LRRC58: variants seen among roughly 807,000 people sequenced by gnomAD.
LRRC58 encodes the protein leucine rich repeat containing 58.
In LRRC58, 18 loss-of-function variants were observed where a neutral mutation model predicts 30.6. That is an observed-to-expected ratio of 0.59 (90% CI 0.41 to 0.87). LRRC58 has a LOEUF of 0.87. LRRC58 is among the 40% of genes least tolerant of loss of function. The pLI, the probability that LRRC58 is intolerant of heterozygous loss-of-function variation, is 0.00. For missense variants in LRRC58, 420 were observed against 468.4 expected, an observed-to-expected ratio of 0.90 and a Z score of 0.95; for synonymous variants, 221 against 206.0, an observed-to-expected ratio of 1.07 and a Z score of -0.62.
intron 3 of LRRC58, among the ~76,000 whole-genome samples, chr3:120,332,957 C>T (rs971348716): frequency 3.2e-4 from 49 of 152,172 alleles, no homozygotes; most frequent in East Asian, 1.5e-3. Context: ...GCTATGTTGC[C>T]TAGGCTGGTC....
intron 1 of LRRC58, among the ~76,000 whole-genome samples, chr3:120,344,203 AAGAT>A (rs1277828861): frequency 4.6e-5 from 7 of 152,208 alleles, no homozygotes; most frequent in Non-Finnish European, 7.3e-5. Context: ...AAGAAACAGA[AAGAT>A]AAGAACATCT....
rs1052181188 is a variant in LRRC58 at position 120,327,479 on chromosome 3, C to T, written c.*3721G>A. ...CCGTGTTAGCCAGGATGGTCTCGAT[C>T]TCCTGACCTCGTGATCCACCCGCCT... On this transcript the variant is annotated 3_prime_UTR_variant, in exon 4 of 4. Transcript: ENST00000295628. 6.6e-6 allele frequency: 1 copy of T among 151,540 alleles called. No homozygotes were observed. The highest frequency in any genetic ancestry group is 1.5e-5 in the Non-Finnish European group (1 of 67,912). The allele number at this position is 151,540 out of a possible 1,614,324, so 9.4% of individuals were successfully genotyped here. A position where few individuals can be genotyped will look rare whatever the true frequency, so the allele number is the denominator to read the frequency against.
Position 120,326,782 on chromosome 3 carries a change from AT to A in LRRC58, c.*4417del, listed in dbSNP as rs1935681173. 1 of 152,232 alleles carries A rather than the reference AT, an allele frequency of 6.6e-6. No individual in the cohort carries two copies. The highest frequency in any genetic ancestry group is 1.5e-5 in the Non-Finnish European group (1 of 68,042). 9.4% of individuals were successfully genotyped at this position (152,232 alleles called of 1,614,324 possible). ...ACCTCATATATACATAATATAACCG[AT>A]AGTTTTGTCTACCAAGGGTCTTATG... On this transcript the variant is annotated 3_prime_UTR_variant, in exon 4 of 4. Coordinates refer to ENST00000295628, the MANE Select transcript of LRRC58 (RefSeq NM_001099678.2).
chr3:120,348,360 C>T (rs1457553919), intron 1 of LRRC58, among the ~76,000 whole-genome samples: 1 of 152,160 alleles, frequency 6.6e-6, no homozygotes, highest in Non-Finnish European at 1.5e-5. Flanking sequence ...GCACCTTGTA[C>T]GCCACGCTCA....
chr3:120,344,243 T>C (rs1286229014), intron 1 of LRRC58, among the ~76,000 whole-genome samples: 1 of 152,184 alleles, frequency 6.6e-6, no homozygotes, highest in African/African-American at 2.4e-5. Flanking sequence ...TTTCTTGAAG[T>C]AGCATCTTTG....
intron 2 of LRRC58, 86 bp downstream of exon 2, chr3:120,335,739 T>C: frequency 8.9e-7 from 1 of 1,118,938 alleles, no homozygotes; most frequent in East Asian, 2.4e-5. Context: ...AATTCTTTTC[T>C]ACATATAAAA....
Position 120,325,125 on chromosome 3 carries a change from G to A in LRRC58, c.*6075C>T, listed in dbSNP as rs369286488. 2.6e-5 allele frequency: 4 copies of A among 152,094 alleles called. No individual in the cohort carries two copies. Among genetic ancestry groups the A allele is most frequent in the East Asian group, 3.9e-4 (2 of 5,190 alleles). 9.4% of individuals were successfully genotyped at this position (152,094 alleles called of 1,614,324 possible). A position where few individuals can be genotyped will look rare whatever the true frequency, so the allele number is the denominator to read the frequency against. On this transcript the variant is annotated 3_prime_UTR_variant, in exon 4 of 4. Coordinates refer to ENST00000295628, the MANE Select transcript of LRRC58 (RefSeq NM_001099678.2). ...CAAAAAACCTCAACTGCAGGCACAC[G>A]TCTTTACATGATTGTTGTAAAGTGA...
chr3:120,342,950 G>A (rs896277081), intron 1 of LRRC58, among the ~76,000 whole-genome samples: 5 of 152,202 alleles, frequency 3.3e-5, no homozygotes, highest in Admixed American at 6.5e-5. Flanking sequence ...CTCAGTTTAC[G>A]TCTTGTTATA....
intron 1 of LRRC58, among the ~76,000 whole-genome samples, chr3:120,338,104 A>C (rs1935858174): frequency 6.6e-6 from 1 of 152,110 alleles, no homozygotes; most frequent in African/African-American, 2.4e-5. Flanking sequence ...CAGCCTCCCA[A>C]AGTGCTGGGA....
intron 1 of LRRC58, among the ~76,000 whole-genome samples, chr3:120,348,500 A>G (rs1936005202): frequency 6.6e-6 from 1 of 152,250 alleles, no homozygotes; most frequent in Non-Finnish European, 1.5e-5. Flanking sequence ...TCAATAAGGA[A>G]GACAGAAAAA....
Position 120,330,485 on chromosome 3 carries a change from C to T in LRRC58, c.*715G>A, listed in dbSNP as rs951374396. On this transcript the variant is annotated 3_prime_UTR_variant, in exon 4 of 4. Transcript: ENST00000295628. ...TTGCTCTGGCATTACTTCTTGAATACATTTTTATATCCTTGCTGGATTAAG... is the reference window on the plus strand; with the variant it reads ...TTGCTCTGGCATTACTTCTTGAATATATTTTTATATCCTTGCTGGATTAAG... 8 of 152,130 alleles carry T rather than the reference C, an allele frequency of 5.3e-5. No homozygotes were observed. Among genetic ancestry groups the T allele is most frequent in the African/African-American group, 1.9e-4 (8 of 41,450 alleles). The allele number at this position is 152,130 out of a possible 1,614,324, so 9.4% of individuals were successfully genotyped here. A position where few individuals can be genotyped will look rare whatever the true frequency, so the allele number is the denominator to read the frequency against.
chr3:120,333,532 T>G (rs990377214), intron 3 of LRRC58, among the ~76,000 whole-genome samples: 6 of 152,238 alleles, frequency 3.9e-5, no homozygotes, highest in African/African-American at 1.4e-4. Flanking sequence ...TAACAATCTT[T>G]GAAGAATTTG....
chr3:120,349,270 C>T lies in LRRC58; in HGVS notation c.-27G>A. On this transcript the variant is annotated 5_prime_UTR_variant, in exon 1 of 4. Transcript: ENST00000295628. Reference sequence around the variant, plus strand: ...CTGGCCACCGCACGGCGCGTGGCGCCGGATTCCCCAGAGCGCCGCGCGCGG... The same window carrying T: ...CTGGCCACCGCACGGCGCGTGGCGCTGGATTCCCCAGAGCGCCGCGCGCGG... 1 of 1,356,828 alleles carries T rather than the reference C, an allele frequency of 7.4e-7. No homozygotes were observed. The highest frequency in any genetic ancestry group is 9.4e-7 in the Non-Finnish European group (1 of 1,061,406). 84.0% of individuals were successfully genotyped at this position (1,356,828 alleles called of 1,614,324 possible). A position where few individuals can be genotyped will look rare whatever the true frequency, so the allele number is the denominator to read the frequency against.
chr3:120,336,105 G>A (rs13061630), intron 1 of LRRC58, among the ~76,000 whole-genome samples, 152 bp from the exon 2 acceptor site: 45,931 of 152,072 alleles, frequency 0.3, 8,632 homozygotes, highest in Non-Finnish European at 0.42. Context: ...GAGAAACAAT[G>A]CAATTTTCAG....
rs1201577551 is a variant in LRRC58 at position 120,328,062 on chromosome 3, G to C, written c.*3138C>G. 1 of 152,070 alleles carries C rather than the reference G, an allele frequency of 6.6e-6. No homozygotes were observed. Among genetic ancestry groups the C allele is most frequent in the Non-Finnish European group, 1.5e-5 (1 of 68,026 alleles). The allele number at this position is 152,070 out of a possible 1,614,324, so 9.4% of individuals were successfully genotyped here. A position where few individuals can be genotyped will look rare whatever the true frequency, so the allele number is the denominator to read the frequency against. On this transcript the variant is annotated 3_prime_UTR_variant, in exon 4 of 4. Coordinates refer to ENST00000295628, the MANE Select transcript of LRRC58 (RefSeq NM_001099678.2). ...GTGCCAAGTCTTTACTTTTAAATGT[G>C]GTAACTTGAAGCTCTAAATATCAAG...
chr3:120,340,941 C>A (rs1219015117), intron 1 of LRRC58, among the ~76,000 whole-genome samples: 1 of 152,058 alleles, frequency 6.6e-6, no homozygotes, highest in Non-Finnish European at 1.5e-5. Context: ...TTTAAAAAAA[C>A]GTATCTCTGA....
At chr3:120,339,970 T>C (rs951528184) in intron 1 of LRRC58, among the ~76,000 whole-genome samples, 2 of 152,154 alleles carry the variant, frequency 1.3e-5, no homozygotes, top group African/African-American at 4.8e-5. Context: ...TTCAAGCAAT[T>C]CTACCTCAGC....
intron 1 of LRRC58, among the ~76,000 whole-genome samples, chr3:120,344,853 A>G (rs568501433): frequency 4.7e-4 from 71 of 152,224 alleles, no homozygotes; most frequent in Non-Finnish European, 9.0e-4. Context: ...ATGATTCAGA[A>G]AAATAAGTCA....
rs1178589541 is a variant in LRRC58 at position 120,328,179 on chromosome 3, T to C, written c.*3021A>G. ...TACCTCCACTACTCAAATACTAGAA[T>C]ACTGAGGACCGTAGCCTGAGGACCA... On this transcript the variant is annotated 3_prime_UTR_variant, in exon 4 of 4. Coordinates refer to ENST00000295628, the MANE Select transcript of LRRC58 (RefSeq NM_001099678.2). 6.6e-6 allele frequency: 1 copy of C among 152,192 alleles called. No homozygotes were observed. Among genetic ancestry groups the C allele is most frequent in the Non-Finnish European group, 1.5e-5 (1 of 68,036 alleles). The allele number at this position is 152,192 out of a possible 1,614,324, so 9.4% of individuals were successfully genotyped here.
Sources: allele counts gnomAD v4.1 joint callset (sites outside exome capture counted in the v4.1 genomes callset), GRCh38; gene constraint gnomAD v4.1.1; transcripts MANE v1.5; gene names NCBI Gene and HGNC (gene_info 2026-07-23, HGNC 2026-07-21).